The following ANO2 variants were observed in gnomAD, a reference collection of about 807,000 sequenced individuals.
ANO2 encodes anoctamin 2.
ANO2 carries 101 observed loss-of-function variants against 124.2 expected under a neutral mutation model. That is an observed-to-expected ratio of 0.81 (90% CI 0.69 to 0.96). The LOEUF (loss-of-function observed/expected upper bound fraction) is 0.96. Among genes scored for constraint, ANO2 ranks in the 40% least tolerant of loss-of-function variants. The pLI is 0.00. For synonymous variants in ANO2, 486 were observed against 482.5 expected (o/e 1.01, Z -0.09); for missense variants, 1,293 against 1,274.5 (o/e 1.01, Z -0.22).
chr12:5,919,720 C>T lies in ANO2; in HGVS notation c.534+1320G>A, dbSNP rs987614170. On this transcript the variant is annotated intron_variant, in intron 3 of 24. Transcript: ENST00000682330. ...GGTCATTTTTTTTTCTTTTTTGAGA[C>T]GGAGTCTCGCTCTGTCACGCAGGCT... Among the ~76,000 whole-genome samples, 7 of 150,286 alleles carry T rather than the reference C, an allele frequency of 4.7e-5. No homozygotes were observed. The South Asian group carries it at 8.4e-4, about 18-fold the overall frequency.
At chr12:5,893,256 T>G (rs185231139) in intron 3 of ANO2, among the ~76,000 whole-genome samples, 1 of 152,024 alleles carries the variant, frequency 6.6e-6, no homozygotes, top group Admixed American at 6.5e-5. Context: ...TAATTAAGTT[T>G]AAAAGCTTCC....
chr12:5,661,301 G>T (rs1947427628), intron 14 of ANO2, among the ~76,000 whole-genome samples: 1 of 152,192 alleles, frequency 6.6e-6, no homozygotes, highest in African/African-American at 2.4e-5. Context: ...CCACAGACTG[G>T]AGAACGGAAC....
intron 19 of ANO2, among the ~76,000 whole-genome samples, chr12:5,609,825 T>A (rs377042652): frequency 1.1e-4 from 16 of 151,272 alleles, no homozygotes; most frequent in African/African-American, 3.4e-4. Context: ...GGGTCATAGG[T>A]GTTTGTGATA....
chr12:5,847,445 C>CTGTGTGTGTGTG (rs35366359), intron 4 of ANO2, among the ~76,000 whole-genome samples: 22 of 144,782 alleles, frequency 1.5e-4, no homozygotes, highest in East Asian at 4.1e-4. Context: ...CATAACACCT[C>CTGTGTGTGTGTG]TGTGTGTGTG....
intron 15 of ANO2, among the ~76,000 whole-genome samples, chr12:5,639,437 T>C (rs1244356479): frequency 6.6e-6 from 1 of 152,166 alleles, no homozygotes; most frequent in Non-Finnish European, 1.5e-5. Context: ...GTGGATCTTC[T>C]AGTGGGAAAA....
intron 10 of ANO2, among the ~76,000 whole-genome samples, chr12:5,751,617 T>C (rs1047144796): frequency 6.6e-6 from 1 of 152,202 alleles, no homozygotes; most frequent in Non-Finnish European, 1.5e-5. Context: ...CAGATAAGTA[T>C]ACACCCATGA....
chr12:5,708,963 G>C (rs568946662), intron 14 of ANO2, among the ~76,000 whole-genome samples: 1 of 152,294 alleles, frequency 6.6e-6, no homozygotes, highest in African/African-American at 2.4e-5. Flanking sequence ...CCCATGGACT[G>C]TAAGCTTCAT....
intron 16 of ANO2, among the ~76,000 whole-genome samples, chr12:5,628,537 T>C (rs1015697285): frequency 3.3e-5 from 5 of 152,230 alleles, no homozygotes; most frequent in Admixed American, 6.5e-5. Flanking sequence ...TCTTCTTCTC[T>C]GTGTCTTCAG....
intron 16 of ANO2, among the ~76,000 whole-genome samples, chr12:5,632,707 C>T (rs1381551780): frequency 6.6e-6 from 1 of 152,158 alleles, no homozygotes; most frequent in African/African-American, 2.4e-5. Context: ...GGGAAGTACT[C>T]ACTAAATACT....
chr12:5,793,804 C>G (rs1952765983), intron 10 of ANO2, among the ~76,000 whole-genome samples: 1 of 152,162 alleles, frequency 6.6e-6, no homozygotes, highest in African/African-American at 2.4e-5. Context: ...TGAACTGGAG[C>G]TGGTAGCATT....
At chr12:5,780,638 T>C (rs1006561791) in intron 10 of ANO2, among the ~76,000 whole-genome samples, 2 of 152,088 alleles carry the variant, frequency 1.3e-5, no homozygotes, top group African/African-American at 4.8e-5. Flanking sequence ...AAACAATTAG[T>C]GCAACAACCA....
chr12:5,921,576 G>A (rs11612136), intron 2 of ANO2, among the ~76,000 whole-genome samples: 24,658 of 152,116 alleles, frequency 0.16, 2,272 homozygotes, highest in Middle Eastern at 0.21. Context: ...CCTGTTGACA[G>A]TCTGGGCATC....
In ANO2 at chr12:5,900,897, G is replaced by C. The variant is rs767594929; in HGVS notation, c.534+20143C>G. Among the ~76,000 whole-genome samples, 1 of 152,230 alleles carries C rather than the reference G, an allele frequency of 6.6e-6. No homozygotes were observed. The highest frequency in any genetic ancestry group is 1.5e-5 in the Non-Finnish European group (1 of 68,038). On this transcript the variant is annotated intron_variant, in intron 3 of 24. Coordinates refer to ENST00000682330, the MANE Select transcript of ANO2 (RefSeq NM_001364791.2). This position sits in a 1 kb window ranked among gnomAD's most constrained non-coding sequence, Gnocchi z 4.2. ...CAGAGAAAGCCCAACAGCTGGGACA[G>C]GTCTCAGTCTAGGTCATTCCCCTGC...
intron 14 of ANO2, among the ~76,000 whole-genome samples, chr12:5,706,890 A>G (rs1189031476): frequency 6.6e-6 from 1 of 152,234 alleles, no homozygotes; most frequent in African/African-American, 2.4e-5. Context: ...AGAGCTACTA[A>G]TTCACAGCCA....
At chr12:5,676,017 A>G (rs1454675998) in intron 14 of ANO2, among the ~76,000 whole-genome samples, 1 of 152,120 alleles carries the variant, frequency 6.6e-6, no homozygotes, top group Non-Finnish European at 1.5e-5. Context: ...GCCACATCAC[A>G]TCTTCCAGGC....
chr12:5,823,567 CT>C (rs1284291289), intron 7 of ANO2, among the ~76,000 whole-genome samples: 2 of 152,216 alleles, frequency 1.3e-5, no homozygotes, highest in Admixed American at 6.5e-5. Context: ...ACCCCTGTGG[CT>C]TTGCAGGGTA....
chr12:5,888,019 G>C (rs971466582), intron 3 of ANO2, among the ~76,000 whole-genome samples: 1 of 152,150 alleles, frequency 6.6e-6, no homozygotes, highest in Non-Finnish European at 1.5e-5. Context: ...GTGGGTTCTT[G>C]GTCTCACTGA....
chr12:5,707,184 A>C (rs1949644447), intron 14 of ANO2, among the ~76,000 whole-genome samples: 1 of 145,548 alleles, frequency 6.9e-6, no homozygotes, highest in Non-Finnish European at 1.5e-5. Flanking sequence ...GATAATTGAA[A>C]ATTGACAGTC....
chr12:5,659,298 C>G (rs1947328569), intron 14 of ANO2, among the ~76,000 whole-genome samples: 1 of 152,204 alleles, frequency 6.6e-6, no homozygotes, highest in African/African-American at 2.4e-5. Flanking sequence ...GAATGCACAT[C>G]TTTCCTTTCA....
Sources: gnomAD v4.1 joint callset for allele counts (sites outside exome capture counted in the v4.1 genomes callset) on GRCh38, gnomAD v4.1.1 for gene constraint, Gnocchi (gnomAD v3.1) non-coding constraint, MANE v1.5 for transcripts, NCBI Gene and HGNC (gene_info 2026-07-23, HGNC 2026-07-21) for gene names.